COQ5: variants seen among roughly 807,000 people sequenced by gnomAD.
COQ5 encodes the protein coenzyme Q5, methyltransferase.
COQ5 carries 27 observed loss-of-function variants against 40.5 expected under a neutral mutation model. The observed-to-expected ratio is 0.67, with a 90% confidence interval of 0.49 to 0.92. COQ5 has a LOEUF of 0.92. Ranked by LOEUF, COQ5 falls within the 40% of genes least tolerant of loss-of-function variation. The probability of loss-of-function intolerance (pLI) is 0.00; values close to 1 mark genes in which losing one functional copy is unlikely to be tolerated. For synonymous variants in COQ5, 141 were observed against 150.0 expected, an observed-to-expected ratio of 0.94 and a Z score of 0.44; for missense variants, 409 against 406.4, an observed-to-expected ratio of 1.01 and a Z score of -0.06.
intron 4 of COQ5, among the ~76,000 whole-genome samples, chr12:120,509,183 C>T (rs983515177): frequency 6.6e-6 from 1 of 151,988 alleles, no homozygotes; most frequent in Non-Finnish European, 1.5e-5. Context: ...AAACTCTTTG[C>T]CTTGCACATG....
chr12:120,504,025 C>G lies in COQ5; in HGVS notation c.827G>C (p.Gly276Ala). 6.2e-7 allele frequency: 1 copy of G among 1,613,774 alleles called. No individual in the cohort carries two copies. The change falls in exon 6 of 7, where the codon GGA (glycine) becomes GCA (alanine). Residue 276 changes from glycine to alanine, a missense_variant. Transcript: ENST00000288532. Reference sequence around the variant, plus strand: ...AAGGTACTGATAGGACTTCCAGTCTCCAGCGATGACCTCTCCCAGGACAGG... The same window carrying G: ...AAGGTACTGATAGGACTTCCAGTCTGCAGCGATGACCTCTCCCAGGACAGG... ...VIPVLGEVIA[G>A]DWKSYQYLVE...
intron 4 of COQ5, among the ~76,000 whole-genome samples, chr12:120,506,430 G>A (rs151047286): frequency 2.3e-3 from 353 of 151,148 alleles, no homozygotes; most frequent in African/African-American, 7.8e-3. Flanking sequence ...GCAGTGGCAC[G>A]ATCTCAGCTC....
chr12:120,507,893 T>A lies in COQ5; in HGVS notation c.681+2124A>T, dbSNP rs909132409. On this transcript the variant is annotated intron_variant, in intron 4 of 6. Coordinates refer to ENST00000288532, the MANE Select transcript of COQ5 (RefSeq NM_032314.4). ...CAGAGTGAGACTCTGTCTCAAAAAA[T>A]AATAATAATAATAAAATAAAAAAAT... Among the ~76,000 whole-genome samples the A allele has an allele frequency of 8.0e-5, 12 of 149,142 alleles. No homozygotes were observed. In the East Asian group the frequency reaches 1.0e-3, roughly 13 times the overall value.
At chr12:120,504,777 C>A in intron 5 of COQ5, 118 bp downstream of exon 5, 1 of 862,424 alleles carries the variant, frequency 1.2e-6, no homozygotes. Context: ...AACTGGCTGA[C>A]CTCTGGTACT....
intron 1 of COQ5, among the ~76,000 whole-genome samples, chr12:120,524,284 G>A (rs1406373037): frequency 6.6e-6 from 1 of 150,930 alleles, no homozygotes; most frequent in African/African-American, 2.4e-5. Context: ...TTTTTGAGAC[G>A]GAGTCTCGCT....
intron 3 of COQ5, among the ~76,000 whole-genome samples, chr12:120,515,251 T>G (rs1041768722): frequency 2.0e-5 from 3 of 152,068 alleles, no homozygotes. Flanking sequence ...ACCACCACAC[T>G]TGGCTAACTT....
intron 3 of COQ5, among the ~76,000 whole-genome samples, chr12:120,513,883 A>T (rs943366421): frequency 3.9e-5 from 6 of 152,104 alleles, no homozygotes; most frequent in African/African-American, 1.4e-4. Flanking sequence ...TCTACTTTTC[A>T]TGATGTTTTT....
chr12:120,504,558 G>GTT, intron 5 of COQ5: 2 of 199,684 alleles, frequency 1.0e-5, no homozygotes, highest in African/African-American at 1.3e-4. Flanking sequence ...CAAATTTCCT[G>GTT]ATTTTTTTTT....
chr12:120,526,368 G>C (rs1015170369), intron 1 of COQ5: 1 of 410,656 alleles, frequency 2.4e-6, no homozygotes, highest in African/African-American at 2.1e-5. Flanking sequence ...AGTTATAGGA[G>C]AAATAGATGA....
rs61584250 is a variant in COQ5 at position 120,526,698 on chromosome 12, A to ATTTTTTTTTT, written c.202+2232_202+2241dup. ...AATAGTGCTCAAACTACTCTTGGCA[A>ATTTTTTTTTT]TTTTTTTTTTTTTTTTTTTTTTTTT... On this transcript the variant is annotated intron_variant, in intron 1 of 6. Coordinates refer to ENST00000288532, the MANE Select transcript of COQ5 (RefSeq NM_032314.4). Among the ~76,000 whole-genome samples the ATTTTTTTTTT allele has an allele frequency of 2.6e-3, 168 of 64,148 alleles. 28 individuals are homozygous for ATTTTTTTTTT. Among genetic ancestry groups the ATTTTTTTTTT allele is most frequent in the African/African-American group, 4.0e-3 (49 of 12,190 alleles). 42.1% of individuals were successfully genotyped at this position (64,148 alleles called of 152,430 possible). A position where few individuals can be genotyped will look rare whatever the true frequency, so the allele number is the denominator to read the frequency against.
chr12:120,506,910 T>C (rs1213813952), intron 4 of COQ5, among the ~76,000 whole-genome samples: 3 of 151,700 alleles, frequency 2.0e-5, no homozygotes, highest in Non-Finnish European at 4.4e-5. Context: ...CTCGGCTCAC[T>C]GCAACTTCCA....
intron 4 of COQ5, among the ~76,000 whole-genome samples, chr12:120,506,362 G>C (rs1349211013): frequency 6.6e-6 from 1 of 151,378 alleles, no homozygotes; most frequent in Non-Finnish European, 1.5e-5. Flanking sequence ...CAACACTCCT[G>C]TTTAAAATTT....
chr12:120,525,653 A>T (rs1422331455), intron 1 of COQ5, among the ~76,000 whole-genome samples: 1 of 151,998 alleles, frequency 6.6e-6, no homozygotes, highest in African/African-American at 2.4e-5. Context: ...GGCTGGGCGC[A>T]GTGGCTCATG....
chr12:120,511,156 C>G (rs999389467), intron 3 of COQ5, among the ~76,000 whole-genome samples: 5 of 150,902 alleles, frequency 3.3e-5, no homozygotes, highest in Admixed American at 6.7e-5. Flanking sequence ...ACTGGGGAGG[C>G]TGAGGCAGGA....
chr12:120,523,183 A>G (rs902887019), intron 1 of COQ5, among the ~76,000 whole-genome samples: 1 of 152,038 alleles, frequency 6.6e-6, no homozygotes, highest in Non-Finnish European at 1.5e-5. Context: ...CTAAAAATAC[A>G]AAAAATTAGC....
At position 120,503,472 on chromosome 12, in the gene COQ5, C is replaced by T. The variant is rs1055032650; in HGVS notation, c.*312G>A. ...AGCACCAGCAGAGAAGCTATAAATACACTCACTTCAAAACTGAGCTTTAGG... is the reference window on the plus strand; with the variant it reads ...AGCACCAGCAGAGAAGCTATAAATATACTCACTTCAAAACTGAGCTTTAGG... On this transcript the variant is annotated 3_prime_UTR_variant, in exon 7 of 7. Coordinates refer to ENST00000288532, the MANE Select transcript of COQ5 (RefSeq NM_032314.4). 6.1e-6 allele frequency: 3 copies of T among 492,938 alleles called. No individual in the cohort carries two copies. The highest frequency in any genetic ancestry group is 5.4e-5 in the East Asian group (1 of 18,578). 30.5% of individuals were successfully genotyped at this position (492,938 alleles called of 1,614,324 possible). A position where few individuals can be genotyped will look rare whatever the true frequency, so the allele number is the denominator to read the frequency against.
intron 3 of COQ5, among the ~76,000 whole-genome samples, chr12:120,511,460 T>A (rs1869135016): frequency 6.6e-6 from 1 of 151,896 alleles, no homozygotes; most frequent in Admixed American, 6.6e-5. Context: ...ATTATCCTCA[T>A]GTTTCAGGTC....
At chr12:120,519,987 T>C (rs1447196165) in intron 2 of COQ5, among the ~76,000 whole-genome samples, 1 of 152,112 alleles carries the variant, frequency 6.6e-6, no homozygotes, top group African/African-American at 2.4e-5. Context: ...TGAGCTTCCA[T>C]TTGGGGAGAG....
chr12:120,526,443 G>A (rs987432192), intron 1 of COQ5: 8 of 455,544 alleles, frequency 1.8e-5, no homozygotes, highest in Non-Finnish European at 3.1e-5. Flanking sequence ...GGAACTGCAG[G>A]AAGATGAACT....
Sources: allele counts gnomAD v4.1 joint callset (sites outside exome capture counted in the v4.1 genomes callset), GRCh38; gene constraint gnomAD v4.1.1; transcripts MANE v1.5; gene names NCBI Gene and HGNC (gene_info 2026-07-23, HGNC 2026-07-21).